The following CCDC171 variants were observed in gnomAD, a reference collection of about 807,000 sequenced individuals.
CCDC171 encodes coiled-coil domain containing 171, also known as coiled-coil domain-containing protein 171.
A neutral mutation model predicts 168.2 loss-of-function variants in CCDC171; 177 were observed. The ratio of observed to expected loss-of-function variants is 1.05; its 90% CI spans 0.93 to 1.19. The LOEUF is 1.19. CCDC171 is among the 50% of genes most tolerant of loss of function. CCDC171 has a pLI of 0.00. For synonymous variants in CCDC171, 687 were observed against 540.8 expected (o/e 1.27, Z -3.75); for missense variants, 1,991 against 1,539.0 (o/e 1.29, Z -4.91).
downstream of CCDC171, among the ~76,000 whole-genome samples, chr9:16,064,540 T>G (rs949337478): frequency 1.2e-4 from 19 of 152,206 alleles, no homozygotes; most frequent in African/African-American, 4.3e-4. Context: ...GGGACACTTT[T>G]GGCTGATTCT....
chr9:15,656,179 C>T (rs1271888835), intron 7 of CCDC171, among the ~76,000 whole-genome samples: 3 of 151,890 alleles, frequency 2.0e-5, no homozygotes, highest in Non-Finnish European at 4.4e-5. Flanking sequence ...ATTAGCTGGG[C>T]GTGGTGGCCG....
chr9:15,990,680 C>A (rs1832162212), intron 3 of CCDC171, among the ~76,000 whole-genome samples: 1 of 152,120 alleles, frequency 6.6e-6, no homozygotes, highest in African/African-American at 2.4e-5. Flanking sequence ...TCAGGACACC[C>A]ATCTTACATG....
At chr9:15,676,209 G>A (rs2049546104) in intron 9 of CCDC171, among the ~76,000 whole-genome samples, 1 of 152,060 alleles carries the variant, frequency 6.6e-6, no homozygotes, top group African/African-American at 2.4e-5. Context: ...CTCGTGCTGT[G>A]TTTTTCAGCT....
chr9:15,776,139 TG>T (rs1172621515), intron 18 of CCDC171: 1 of 152,092 alleles, frequency 6.6e-6, no homozygotes, highest in Non-Finnish European at 1.5e-5. Flanking sequence ...TTTCATCCAT[TG>T]TTTTCTTTTT....
chr9:15,619,775 G>C (rs1410304406), intron 6 of CCDC171, among the ~76,000 whole-genome samples: 2 of 152,192 alleles, frequency 1.3e-5, no homozygotes, highest in Non-Finnish European at 2.9e-5. Context: ...TTCAGAGCTA[G>C]AGAGGAGAAG....
chr9:15,726,389 T>C (rs2053803360), intron 14 of CCDC171, among the ~76,000 whole-genome samples: 1 of 152,208 alleles, frequency 6.6e-6, no homozygotes, highest in Non-Finnish European at 1.5e-5. Context: ...TGAATTATCC[T>C]TGAGGATGAA....
chr9:15,895,403 A>G (rs377452546), intron 24 of CCDC171, among the ~76,000 whole-genome samples: 6 of 152,124 alleles, frequency 3.9e-5, no homozygotes, highest in Non-Finnish European at 5.9e-5. Flanking sequence ...TCAAAAATTC[A>G]TAAGAACATT....
At chr9:15,883,495 T>C (rs2131370588) in intron 24 of CCDC171, among the ~76,000 whole-genome samples, 1 of 152,332 alleles carries the variant, frequency 6.6e-6, no homozygotes, top group South Asian at 2.1e-4. Flanking sequence ...TAAAGTTTTC[T>C]TTTTAATACT....
the CCDC171 span, among the ~76,000 whole-genome samples, chr9:16,089,582 A>C: frequency 6.6e-6 from 1 of 151,902 alleles, no homozygotes; most frequent in Non-Finnish European, 1.5e-5. Flanking sequence ...GTCCAGTTTC[A>C]GTTTTCTGCA....
rs1208094557 is a variant in CCDC171 at position 15,821,824 on chromosome 9, A to G, written c.3268-24878A>G. ...CCAATGACTTTCTTCACAGAATTGG[A>G]AAAAACTACTTTAAAGTTCATATGG... On this transcript the variant is annotated intron_variant, in intron 21 of 25. Transcript: ENST00000380701. Among the ~76,000 whole-genome samples, 4 of 116,014 alleles carry G rather than the reference A, an allele frequency of 3.4e-5. 1 individual carries two copies. The highest frequency in any genetic ancestry group is 5.8e-5 in the Non-Finnish European group (3 of 51,940). 76.1% of individuals were successfully genotyped at this position (116,014 alleles called of 152,430 possible). A position where few individuals can be genotyped will look rare whatever the true frequency, so the allele number is the denominator to read the frequency against.
intron 24 of CCDC171, among the ~76,000 whole-genome samples, chr9:15,906,779 G>A (rs759963234): frequency 4.6e-5 from 7 of 152,050 alleles, no homozygotes; most frequent in African/African-American, 7.3e-5. Context: ...AAACCCCATC[G>A]TCTCAGCCCA....
chr9:15,628,408 A>G (rs2045357837), intron 7 of CCDC171, among the ~76,000 whole-genome samples: 1 of 152,134 alleles, frequency 6.6e-6, no homozygotes, highest in Non-Finnish European at 1.5e-5. Flanking sequence ...TCCTGTGCCC[A>G]TGGAGTCTCG....
chr9:16,027,974 G>A (rs1833305252), intron 6 of CCDC171, among the ~76,000 whole-genome samples: 1 of 152,114 alleles, frequency 6.6e-6, no homozygotes, highest in Non-Finnish European at 1.5e-5. Context: ...TAGGTGTAAG[G>A]GGTTCTGGGC....
chr9:16,048,963 A>C (rs1179516507), intron 1 of CCDC171, among the ~76,000 whole-genome samples: 2 of 151,082 alleles, frequency 1.3e-5, no homozygotes, highest in African/African-American at 2.4e-5. Flanking sequence ...AAAAAAAAAA[A>C]CCCAAACACC....
At chr9:15,618,772 C>G (rs1012517187) in intron 6 of CCDC171, among the ~76,000 whole-genome samples, 1 of 152,068 alleles carries the variant, frequency 6.6e-6, no homozygotes, top group Non-Finnish European at 1.5e-5. Context: ...GTTGCCCTAG[C>G]TCCTTGCACT....
upstream of CCDC171, among the ~76,000 whole-genome samples, chr9:16,040,432 A>G (rs997410): frequency 0.41 from 61,950 of 152,060 alleles, 14,133 homozygotes; most frequent in East Asian, 0.73. Context: ...AGCTCATCTC[A>G]GTGCCTGCTC....
chr9:15,673,077 T>C (rs1195238316), intron 9 of CCDC171, among the ~76,000 whole-genome samples: 2 of 152,212 alleles, frequency 1.3e-5, no homozygotes, highest in Non-Finnish European at 2.9e-5. Context: ...TCACATCCCT[T>C]GTAAGTTGTA....
At chr9:15,839,346 T>A (rs1356526510) in intron 21 of CCDC171, among the ~76,000 whole-genome samples, 1 of 152,176 alleles carries the variant, frequency 6.6e-6, no homozygotes, top group Non-Finnish European at 1.5e-5. Context: ...CCATGGTGAT[T>A]TCCCAGTTAG....
At chr9:15,742,094 G>A (rs1664666074) in intron 16 of CCDC171, among the ~76,000 whole-genome samples, 1 of 150,886 alleles carries the variant, frequency 6.6e-6, no homozygotes, top group Admixed American at 6.6e-5. Flanking sequence ...TTCTCTAATT[G>A]AACAGATGAA....
Sources: allele counts gnomAD v4.1 joint callset (sites outside exome capture counted in the v4.1 genomes callset), GRCh38; gene constraint gnomAD v4.1.1; transcripts MANE v1.5; gene names NCBI Gene and HGNC (gene_info 2026-07-23, HGNC 2026-07-21).